RSRC1: variants seen among roughly 807,000 people sequenced by gnomAD.
The protein encoded by RSRC1 is serine/Arginine-related protein 53.
Under a neutral mutation model 49.1 loss-of-function variants are expected in RSRC1, and 39 were observed. That is an observed-to-expected ratio of 0.79 (90% confidence interval 0.61 to 1.04). The LOEUF (loss-of-function observed/expected upper bound fraction) is 1.04, where lower values mean the gene tolerates loss of function less well. Ranked by LOEUF, RSRC1 falls within the 50% of genes least tolerant of loss-of-function variation. The pLI is 0.00. For synonymous variants in RSRC1, 143 were observed against 130.8 expected (o/e 1.09, Z -0.63); for missense variants, 388 against 402.4 (o/e 0.96, Z 0.31).
intron 6 of RSRC1, among the ~76,000 whole-genome samples, chr3:158,373,688 A>C (rs1452371193): frequency 1.3e-5 from 2 of 151,992 alleles, no homozygotes; most frequent in Non-Finnish European, 2.9e-5. Context: ...ATACTTCATT[A>C]GAACCATTTC....
chr3:158,533,430 T>C (rs1016473412), intron 7 of RSRC1, among the ~76,000 whole-genome samples: 6 of 151,744 alleles, frequency 4.0e-5, no homozygotes, highest in African/African-American at 1.4e-4. Context: ...TTTATAATTT[T>C]TCCAATGCTA....
At chr3:158,494,460 CTT>C (rs1315121023) in intron 7 of RSRC1, among the ~76,000 whole-genome samples, 1 of 152,128 alleles carries the variant, frequency 6.6e-6, no homozygotes, top group Non-Finnish European at 1.5e-5. Context: ...CTACTGTGGA[CTT>C]TATAAACACT....
intron 4 of RSRC1, among the ~76,000 whole-genome samples, chr3:158,203,552 G>T (rs1292067611): frequency 6.6e-6 from 1 of 152,082 alleles, no homozygotes. Flanking sequence ...TAATTCTGTA[G>T]GAAAGTTTCA....
Position 158,126,638 on chromosome 3 carries a change from C to T in RSRC1, c.320+2647C>T, listed in dbSNP as rs528856399. 3.9e-5 allele frequency among the ~76,000 whole-genome samples: 6 copies of T among 152,186 alleles called. No individual in the cohort carries two copies. The South Asian group carries it at 1.2e-3, about 32-fold the overall frequency. On this transcript the variant is annotated intron_variant, in intron 3 of 9. Coordinates refer to ENST00000611884, the MANE Select transcript of RSRC1 (RefSeq NM_001271838.2). ...ATACCACCATTACAGTGTTAGTGTA[C>T]TCTGTACTTGTGTATATATTTACCT...
rs139536416 is a variant in RSRC1 at position 158,168,168 on chromosome 3, C to T, written c.321-34904C>T. Among the ~76,000 whole-genome samples, 1,210 of 152,310 alleles carry T rather than the reference C, an allele frequency of 7.9e-3. 15 individuals are homozygous for T. The highest frequency in any genetic ancestry group is 0.028 in the African/African-American group (1,156 of 41,570). On this transcript the variant is annotated intron_variant, in intron 3 of 9. Transcript: ENST00000611884. ...CGTTGGATAGTTGCTACAGAGACCT[C>T]ATCCCCCGCTCTCCACTGCAAGCCT...
chr3:158,398,733 T>C (rs192523465), intron 6 of RSRC1, among the ~76,000 whole-genome samples: 1 of 152,272 alleles, frequency 6.6e-6, no homozygotes, highest in Non-Finnish European at 1.5e-5. Context: ...CCATTGTTAC[T>C]ACGACCTAAT....
chr3:158,508,624 C>G (rs1739994554), intron 7 of RSRC1, among the ~76,000 whole-genome samples: 1 of 151,948 alleles, frequency 6.6e-6, no homozygotes, highest in African/African-American at 2.4e-5. Context: ...CAGAAATAAA[C>G]AATTCATAAG....
At chr3:158,143,497 A>G (rs1316086034) in intron 3 of RSRC1, among the ~76,000 whole-genome samples, 1 of 152,178 alleles carries the variant, frequency 6.6e-6, no homozygotes, top group Non-Finnish European at 1.5e-5. Context: ...TTTTAAATGA[A>G]AAGTATTTTG....
At chr3:158,321,251 CTTCTTCTTCTTT>C (rs1465788945) in intron 5 of RSRC1, among the ~76,000 whole-genome samples, 3 of 143,510 alleles carry the variant, frequency 2.1e-5, no homozygotes, top group Admixed American at 7.0e-5. Flanking sequence ...CTCTCTCTTC[CTTCTTCTTCTTT>C]TTCTTCTTCC....
chr3:158,520,098 G>A (rs1307692235), intron 7 of RSRC1, among the ~76,000 whole-genome samples: 1 of 152,112 alleles, frequency 6.6e-6, no homozygotes, highest in Non-Finnish European at 1.5e-5. Context: ...GTAGTTTCAA[G>A]GACAGTCAAA....
At chr3:158,260,750 G>A (rs1019847658) in intron 4 of RSRC1, among the ~76,000 whole-genome samples, 4 of 152,188 alleles carry the variant, frequency 2.6e-5, no homozygotes, top group African/African-American at 9.6e-5. Context: ...CGACTGGGAT[G>A]GACAGTTCAC....
intron 4 of RSRC1, among the ~76,000 whole-genome samples, chr3:158,214,798 A>G (rs1721866185): frequency 1.3e-5 from 2 of 151,758 alleles, no homozygotes; most frequent in Non-Finnish European, 2.9e-5. Context: ...ACTTTGTATG[A>G]TTGTAGCTCT....
intron 3 of RSRC1, among the ~76,000 whole-genome samples, chr3:158,130,326 A>G (rs1715931284): frequency 6.6e-6 from 1 of 152,230 alleles, no homozygotes; most frequent in South Asian, 2.1e-4. Context: ...TGAGGACACA[A>G]ACATTCAGTC....
intron 5 of RSRC1, chr3:158,303,650 A>G (rs569866904): frequency 2.5e-4 from 38 of 152,338 alleles, no homozygotes; most frequent in African/African-American, 8.7e-4. Context: ...CATGTGTCCA[A>G]TGAAGAAGGC....
intron 6 of RSRC1, among the ~76,000 whole-genome samples, chr3:158,427,564 T>C (rs186844609): frequency 1.7e-4 from 26 of 151,950 alleles, no homozygotes; most frequent in Admixed American, 7.2e-4. Flanking sequence ...TATTTGTTAA[T>C]TGGTACAGAA....
intron 4 of RSRC1, among the ~76,000 whole-genome samples, chr3:158,262,525 A>G (rs1274965827): frequency 6.6e-6 from 1 of 152,098 alleles, no homozygotes; most frequent in African/African-American, 2.4e-5. Context: ...TTCTCTTCAA[A>G]GTTGTTTTGA....
intron 3 of RSRC1, among the ~76,000 whole-genome samples, chr3:158,198,908 C>G (rs550271231): frequency 5.3e-5 from 8 of 152,280 alleles, no homozygotes; most frequent in South Asian, 2.1e-4. Context: ...TGGACAAGGA[C>G]AAATATTACT....
At chr3:158,356,404 A>G (rs893640264) in intron 6 of RSRC1, among the ~76,000 whole-genome samples, 1 of 152,100 alleles carries the variant, frequency 6.6e-6, no homozygotes, top group Non-Finnish European at 1.5e-5. Context: ...GAACTCCAGT[A>G]TGATCGGTAT....
intron 6 of RSRC1, among the ~76,000 whole-genome samples, chr3:158,406,221 G>A (rs1007196652): frequency 5.9e-5 from 9 of 151,948 alleles, no homozygotes; most frequent in African/African-American, 1.7e-4. Context: ...TTCTTAAAAT[G>A]TTCTCACAAT....
Sources: allele counts gnomAD v4.1 joint callset (sites outside exome capture counted in the v4.1 genomes callset), GRCh38; gene constraint gnomAD v4.1.1; transcripts MANE v1.5; gene names NCBI Gene and HGNC (gene_info 2026-07-23, HGNC 2026-07-21).